Variants in PRKCI observed in about 807,000 individuals in gnomAD.
PRKCI encodes the protein protein kinase C iota.
PRKCI carries 43 observed loss-of-function variants against 84.0 expected under a neutral mutation model. The ratio of observed to expected loss-of-function variants is 0.51; its 90% CI spans 0.40 to 0.66. PRKCI has a LOEUF of 0.66. Ranked by LOEUF, PRKCI falls within the 30% of genes least tolerant of loss-of-function variation. The pLI, the probability that PRKCI is intolerant of heterozygous loss-of-function variation, is 0.00. For synonymous variants in PRKCI, 216 were observed against 234.4 expected, an observed-to-expected ratio of 0.92 and a Z score of 0.72; for missense variants, 459 against 745.6, an observed-to-expected ratio of 0.62 and a Z score of 4.48.
chr3:170,237,448 A>G (rs549151192), intron 2 of PRKCI, among the ~76,000 whole-genome samples: 2 of 152,330 alleles, frequency 1.3e-5, no homozygotes, highest in South Asian at 4.1e-4. Context: ...TGCTCAGGTG[A>G]TAGGTGCAGC....
chr3:170,222,655 C>A lies in PRKCI; in HGVS notation c.-15C>A, dbSNP rs778557075. 3 of 1,562,376 alleles carry A rather than the reference C, an allele frequency of 1.9e-6. No homozygotes were observed. Among genetic ancestry groups the A allele is most frequent in the Non-Finnish European group, 2.6e-6 (3 of 1,154,670 alleles). On this transcript the variant is annotated 5_prime_UTR_variant, in exon 1 of 18. Coordinates refer to ENST00000295797, the MANE Select transcript of PRKCI (RefSeq NM_002740.6). ...GCACCCCCGGCCTCCAGCGTTGAGGCGGGGGAGTGAGGAGATGCCGACCCA... is the reference window on the plus strand; with the variant it reads ...GCACCCCCGGCCTCCAGCGTTGAGGAGGGGGAGTGAGGAGATGCCGACCCA...
chr3:170,290,115 T>C (rs1485469263), intron 12 of PRKCI, among the ~76,000 whole-genome samples: 1 of 151,966 alleles, frequency 6.6e-6, no homozygotes, highest in Non-Finnish European at 1.5e-5. Context: ...GCTGCCCCTC[T>C]TTTTTGGTTT....
chr3:170,284,358 G>A, intron 11 of PRKCI, 103 bp from the exon 12 acceptor site: 1 of 1,029,210 alleles, frequency 9.7e-7, no homozygotes, highest in Admixed American at 3.0e-5. Context: ...TAAAATCACT[G>A]GGAGAAAAAA....
At chr3:170,267,856 A>G in intron 4 of PRKCI, 59 bp from the exon 5 acceptor site, 2 of 1,296,788 alleles carry the variant, frequency 1.5e-6, no homozygotes, top group Non-Finnish European at 1.1e-6. Context: ...CTTAATTATA[A>G]AATGATTTTT....
intron 5 of PRKCI, among the ~76,000 whole-genome samples, chr3:170,269,345 AC>A (rs1733945229): frequency 1.3e-5 from 2 of 152,152 alleles, no homozygotes; most frequent in Non-Finnish European, 2.9e-5. Context: ...AAACTCTCTT[AC>A]TTCCAGTAGC....
At chr3:170,223,197 G>T (rs996337489) in intron 1 of PRKCI, among the ~76,000 whole-genome samples, 1 of 152,158 alleles carries the variant, frequency 6.6e-6, no homozygotes, top group East Asian at 1.9e-4. Flanking sequence ...TCAGTTAGCT[G>T]TCCGTTTTGA....
intron 7 of PRKCI, 42 bp from the exon 8 acceptor site, chr3:170,275,187 C>CTTTT: frequency 2.3e-6 from 3 of 1,310,534 alleles, no homozygotes; most frequent in Non-Finnish European, 2.0e-6. Context: ...TCTCCTGCAC[C>CTTTT]TTTTTTTTTT....
rs907624067 is a variant in PRKCI, at chr3:170,250,441, C to T, written c.224-9528C>T. 9.3e-5 allele frequency among the ~76,000 whole-genome samples: 10 copies of T among 107,688 alleles called. 1 individual carries two copies. Among genetic ancestry groups the T allele is most frequent in the South Asian group, 4.4e-4 (1 of 2,254 alleles). 70.6% of individuals were successfully genotyped at this position (107,688 alleles called of 152,430 possible). A position where few individuals can be genotyped will look rare whatever the true frequency, so the allele number is the denominator to read the frequency against. ...AACATTTTCATTACCAACCCCCCCC[C>T]CCCAAAAAAAAATCTCGTGTCTATT... On this transcript the variant is annotated intron_variant, in intron 2 of 17. Coordinates refer to ENST00000295797, the MANE Select transcript of PRKCI (RefSeq NM_002740.6).
chr3:170,293,684 A>G lies in PRKCI; in HGVS notation c.1417+176A>G, dbSNP rs753652973. Among the ~76,000 whole-genome samples the G allele has an allele frequency of 2.0e-5, 3 of 152,000 alleles. No homozygotes were observed. In the South Asian group the frequency reaches 6.2e-4, roughly 32 times the overall value. ...TTGTTTGTTTTTGAGACAAGGTCTCACTCTTTTGCCCAGGCTGGAGTGCAG... is the reference window on the plus strand; with the variant it reads ...TTGTTTGTTTTTGAGACAAGGTCTCGCTCTTTTGCCCAGGCTGGAGTGCAG... On this transcript the variant is annotated intron_variant, in intron 14 of 17. Transcript: ENST00000295797.
intron 1 of PRKCI, among the ~76,000 whole-genome samples, chr3:170,233,727 CT>C (rs564650773): frequency 1.1e-3 from 157 of 146,908 alleles, no homozygotes; most frequent in Non-Finnish European, 1.9e-3. Context: ...TATACTTAAA[CT>C]TTTTTTTTTT....
chr3:170,280,229 A>G lies in PRKCI; in HGVS notation c.708A>G (p.Ala236=). ...TCTGATACAAATGTTCTCAACAGGCAATGAACACCAGGGAAAGTGGCAAAG... is the reference window on the plus strand; with the variant it reads ...TCTGATACAAATGTTCTCAACAGGCGATGAACACCAGGGAAAGTGGCAAAG... ...SLDQVGEEKE[A]MNTRESGKAS... Residue 236 remains alanine (A), a splice_region_variant and synonymous_variant, in exon 9 of 18, where the codon GCA becomes GCG. Transcript: ENST00000295797. 6.2e-7 allele frequency: 1 copy of G among 1,609,880 alleles called. No individual in the cohort carries two copies. Among genetic ancestry groups the G allele is most frequent in the Non-Finnish European group, 8.5e-7 (1 of 1,179,112 alleles).
chr3:170,223,584 G>A (rs768815697), intron 1 of PRKCI, among the ~76,000 whole-genome samples: 3 of 152,138 alleles, frequency 2.0e-5, no homozygotes, highest in Non-Finnish European at 2.9e-5. Flanking sequence ...GTGACGCAAA[G>A]TGCCCCCCTT....
rs1427817668 is a variant in PRKCI at position 170,266,015 on chromosome 3, T to G, written c.365-1900T>G. 2.6e-5 allele frequency among the ~76,000 whole-genome samples: 4 copies of G among 152,166 alleles called. No homozygotes were observed. The South Asian group carries it at 8.3e-4, about 31-fold the overall frequency. On this transcript the variant is annotated intron_variant, in intron 4 of 17. Coordinates refer to ENST00000295797, the MANE Select transcript of PRKCI (RefSeq NM_002740.6). The stretch of plus-strand genomic sequence containing the variant: ...TCTTAATTTTAAATAGTAAACCCAT[T>G]GCTATATTTGCTTTAAAATATGACT...
chr3:170,301,112 T>G (rs1734808297), intron 17 of PRKCI, among the ~76,000 whole-genome samples: 1 of 152,086 alleles, frequency 6.6e-6, no homozygotes, highest in African/African-American at 2.4e-5. Context: ...TCAAAGACAA[T>G]CAAGACAGTC....
intron 11 of PRKCI, among the ~76,000 whole-genome samples, chr3:170,282,977 C>T (rs1734289463): frequency 6.6e-6 from 1 of 151,306 alleles, no homozygotes; most frequent in South Asian, 2.1e-4. Context: ...TGGTGGCGGG[C>T]ACCTGTGGTC....
At chr3:170,270,114 A>G (rs1577360995) in intron 5 of PRKCI, among the ~76,000 whole-genome samples, 1 of 152,190 alleles carries the variant, frequency 6.6e-6, no homozygotes, top group East Asian at 1.9e-4. Context: ...TTTTTCTGCC[A>G]TATATATTTC....
chr3:170,292,400 A>G (rs1734573559), intron 13 of PRKCI, among the ~76,000 whole-genome samples: 2 of 152,226 alleles, frequency 1.3e-5, no homozygotes, highest in Admixed American at 1.3e-4. Context: ...TATTTGCCCC[A>G]GGAATCTGAA....
chr3:170,236,323 ACTC>A (rs1257724918), intron 2 of PRKCI, among the ~76,000 whole-genome samples: 2 of 150,310 alleles, frequency 1.3e-5, no homozygotes, highest in Non-Finnish European at 3.0e-5. Flanking sequence ...CTGGTCTTGA[ACTC>A]CTGGCCTCAA....
chr3:170,283,525 G>T (rs1734304158), intron 11 of PRKCI, among the ~76,000 whole-genome samples: 1 of 152,048 alleles, frequency 6.6e-6, no homozygotes, highest in Non-Finnish European at 1.5e-5. Context: ...TGTTGTTTTG[G>T]TGTTCATTTA....
Sources: allele counts gnomAD v4.1 joint callset (sites outside exome capture counted in the v4.1 genomes callset), GRCh38; gene constraint gnomAD v4.1.1; transcripts MANE v1.5; gene names NCBI Gene and HGNC (gene_info 2026-07-23, HGNC 2026-07-21).